Variants in SSBP3 observed in about 807,000 individuals in gnomAD.
SSBP3 encodes single-stranded DNA-binding protein 3.
In SSBP3, 5 loss-of-function variants were observed where a neutral mutation model predicts 69.6. The observed-to-expected ratio is 0.07, with a 90% CI of 0.04 to 0.15. The LOEUF is 0.15. Among genes scored for constraint, SSBP3 ranks in the 10% least tolerant of loss-of-function variants. SSBP3 has a pLI of 1.00. For synonymous variants in SSBP3, 196 were observed against 193.4 expected (o/e 1.01, Z -0.11); for missense variants, 312 against 534.0 (o/e 0.58, Z 4.10).
At position 54,254,841 on chromosome 1, in the gene SSBP3, C is replaced by CT. The variant is rs111450481; in HGVS notation, c.507+2285dup. On this transcript the variant is annotated intron_variant, in intron 7 of 17. Coordinates refer to ENST00000610401, the Ensembl canonical transcript of SSBP3. ...GATTTCTTTTTTTATCTTTTTTCTTCTTTTTTTTTGAGGCGGAGTCTCGCT... is the reference window on the plus strand; with the variant it reads ...GATTTCTTTTTTTATCTTTTTTCTTCTTTTTTTTTTGAGGCGGAGTCTCGCT... Among the ~76,000 whole-genome samples the CT allele has an allele frequency of 9.7e-4, 147 of 151,332 alleles. 2 individuals are homozygous for CT. Among genetic ancestry groups the CT allele is most frequent in the African/African-American group, 3.3e-3 (136 of 41,308 alleles).
chr1:54,337,644 C>T (rs925113198), intron 4 of SSBP3, among the ~76,000 whole-genome samples: 1 of 151,656 alleles, frequency 6.6e-6, no homozygotes, highest in African/African-American at 2.4e-5. Flanking sequence ...TACAGGCATC[C>T]ACCACCACAC....
At chr1:54,384,396 G>T (rs1023849991) in intron 4 of SSBP3, among the ~76,000 whole-genome samples, 5 of 152,194 alleles carry the variant, frequency 3.3e-5, no homozygotes, top group African/African-American at 9.7e-5. Flanking sequence ...TGCACAGAGG[G>T]GCCCTGGGAG....
chr1:54,392,329 T>C (rs542561464), intron 4 of SSBP3, among the ~76,000 whole-genome samples: 1 of 152,338 alleles, frequency 6.6e-6, no homozygotes, highest in South Asian at 2.1e-4. Context: ...GTCACTTAAC[T>C]TGTAGGAACT....
At chr1:54,384,838 C>A (rs1647959298) in intron 4 of SSBP3, among the ~76,000 whole-genome samples, 1 of 152,142 alleles carries the variant, frequency 6.6e-6, no homozygotes, top group Non-Finnish European at 1.5e-5. Context: ...ATACAAGGCC[C>A]ATCACCTTCT....
intron 13 of SSBP3, among the ~76,000 whole-genome samples, chr1:54,240,462 G>GA (rs1553123334): frequency 0.55 from 18,593 of 33,998 alleles, 5,439 homozygotes; most frequent in East Asian, 0.64. Flanking sequence ...CCTCAAAAAA[G>GA]AAAAAAAAAA....
At chr1:54,386,173 G>A (rs1052414057) in intron 4 of SSBP3, among the ~76,000 whole-genome samples, 2 of 152,170 alleles carry the variant, frequency 1.3e-5, no homozygotes, top group Non-Finnish European at 1.5e-5. Context: ...CTCAAGACAG[G>A]GATGCTGCTG....
At chr1:54,232,726 G>A (rs1644402142) in intron 14 of SSBP3, among the ~76,000 whole-genome samples, 1 of 151,602 alleles carries the variant, frequency 6.6e-6, no homozygotes, top group Admixed American at 6.6e-5. Context: ...CCGAGTGCCT[G>A]CGATTGCAGG....
At chr1:54,283,997 A>T (rs979301302) in intron 4 of SSBP3, among the ~76,000 whole-genome samples, 5 of 152,160 alleles carry the variant, frequency 3.3e-5, no homozygotes, top group Admixed American at 2.0e-4. Flanking sequence ...AACTTTTTTT[A>T]AAAATGGGGT....
At chr1:54,339,568 T>TA (rs879633172) in intron 4 of SSBP3, among the ~76,000 whole-genome samples, 3,117 of 144,158 alleles carry the variant, frequency 0.022, 35 homozygotes, top group South Asian at 0.032. Flanking sequence ...TAGTAACCAC[T>TA]AAAAAAAAAA....
intron 4 of SSBP3, among the ~76,000 whole-genome samples, chr1:54,307,701 A>G (rs1200067231): frequency 1.3e-5 from 2 of 152,168 alleles, no homozygotes; most frequent in Non-Finnish European, 2.9e-5. Context: ...AAGCCGGCCA[A>G]AACCTACCAA....
chr1:54,383,858 G>A (rs1647869777), intron 4 of SSBP3, among the ~76,000 whole-genome samples: 1 of 152,140 alleles, frequency 6.6e-6, no homozygotes, highest in Admixed American at 6.5e-5. Flanking sequence ...TGTAATCCCA[G>A]CACTTTGGGA....
chr1:54,290,610 G>A (rs1274585843), intron 4 of SSBP3, among the ~76,000 whole-genome samples: 2 of 152,326 alleles, frequency 1.3e-5, no homozygotes, highest in African/African-American at 4.8e-5. Context: ...GGAAGCACCC[G>A]GCTTCTTCTG....
rs941387331 is a variant in SSBP3 at position 54,396,208 on chromosome 1, A to C, written c.276+5653T>G. Among the ~76,000 whole-genome samples the C allele has an allele frequency of 4.7e-5, 7 of 150,012 alleles. No homozygotes were observed. The East Asian group carries it at 5.8e-4, about 12-fold the overall frequency. On this transcript the variant is annotated intron_variant, in intron 4 of 17. Coordinates refer to ENST00000610401, the Ensembl canonical transcript of SSBP3. ...CTCCATCTCAGAAAAAAAAAAAAAA[A>C]AAAAAAAAAAACAACCCCATTACCC... is the stretch of plus-strand genomic sequence containing the variant.
upstream of SSBP3, among the ~76,000 whole-genome samples, chr1:54,410,334 G>A (rs1399500050): frequency 6.6e-6 from 1 of 152,234 alleles, no homozygotes; most frequent in Non-Finnish European, 1.5e-5. Context: ...GCCTCCAGAA[G>A]GAGGTGGTTA....
intron 4 of SSBP3, among the ~76,000 whole-genome samples, chr1:54,340,095 G>T (rs1244039744): frequency 1.3e-5 from 2 of 151,976 alleles, no homozygotes; most frequent in African/African-American, 2.4e-5. Context: ...CTTCAAGGAA[G>T]GCATTTGCTT....
intron 4 of SSBP3, among the ~76,000 whole-genome samples, chr1:54,366,031 G>A (rs1425160099): frequency 2.0e-5 from 3 of 152,142 alleles, no homozygotes; most frequent in Non-Finnish European, 2.9e-5. Flanking sequence ...TCAGAACACT[G>A]CCTGGCACAA....
intron 4 of SSBP3, among the ~76,000 whole-genome samples, chr1:54,333,459 G>A (rs1178941458): frequency 1.3e-5 from 2 of 152,122 alleles, no homozygotes; most frequent in African/African-American, 4.8e-5. Context: ...TCTCCGTAAG[G>A]CTGCATGGCC....
intron 14 of SSBP3, among the ~76,000 whole-genome samples, chr1:54,232,210 G>T (rs1004348429): frequency 3.9e-5 from 6 of 152,100 alleles, no homozygotes; most frequent in Non-Finnish European, 7.4e-5. Flanking sequence ...ATATGTATGA[G>T]GAAAAATATT....
chr1:54,341,999 T>A (rs1238563026), intron 4 of SSBP3, among the ~76,000 whole-genome samples: 1 of 152,148 alleles, frequency 6.6e-6, no homozygotes, highest in Admixed American at 6.5e-5. Context: ...GTTGTCCAAG[T>A]CAGGGCTACG....
Sources: gnomAD v4.1 joint callset for allele counts (sites outside exome capture counted in the v4.1 genomes callset) on GRCh38, gnomAD v4.1.1 for gene constraint, MANE v1.5 for transcripts, NCBI Gene and HGNC (gene_info 2026-07-23, HGNC 2026-07-21) for gene names.